PGGT1B: variants seen among roughly 807,000 people sequenced by gnomAD.
PGGT1B encodes geranylgeranyl transferase type-1 subunit beta.
Under a neutral mutation model 46.1 loss-of-function variants are expected in PGGT1B, and 30 were observed. The observed-to-expected ratio is 0.65, with a 90% CI of 0.49 to 0.88. The LOEUF (loss-of-function observed/expected upper bound fraction) is 0.88, where lower values mean the gene tolerates loss of function less well. PGGT1B is among the 40% of genes least tolerant of loss of function. The pLI, the probability that PGGT1B is intolerant of heterozygous loss-of-function variation, is 0.00. For missense variants in PGGT1B, 376 were observed against 455.9 expected, an observed-to-expected ratio of 0.82 and a Z score of 1.60; for synonymous variants, 170 against 160.0, an observed-to-expected ratio of 1.06 and a Z score of -0.47.
chr5:115,251,916 C>T (rs1748118894), intron 2 of PGGT1B, among the ~76,000 whole-genome samples: 1 of 151,962 alleles, frequency 6.6e-6, no homozygotes, highest in Non-Finnish European at 1.5e-5. Flanking sequence ...CAGACTTTCA[C>T]TTAAATTATT....
Position 115,209,630 on chromosome 5 carries a change from T to C in PGGT1B, c.*2772A>G, listed in dbSNP as rs1489454022. 1.3e-5 allele frequency: 2 copies of C among 152,150 alleles called. No homozygotes were observed. The highest frequency in any genetic ancestry group is 2.9e-5 in the Non-Finnish European group (2 of 68,010). The allele number at this position is 152,150 out of a possible 1,614,324, so 9.4% of individuals were successfully genotyped here. ...GTCTGTGGCTATCCTAGTTGCTCTG[T>C]ATTCTTATGGGGAGATTAGAAAACA... On this transcript the variant is annotated 3_prime_UTR_variant, in exon 9 of 9. Coordinates refer to ENST00000419445, the MANE Select transcript of PGGT1B (RefSeq NM_005023.4).
intron 1 of PGGT1B, among the ~76,000 whole-genome samples, chr5:115,261,108 T>A (rs915880148): frequency 6.6e-6 from 1 of 152,220 alleles, no homozygotes; most frequent in Non-Finnish European, 1.5e-5. Context: ...GATGGAAGAC[T>A]TTTTATCTAA....
intron 5 of PGGT1B, among the ~76,000 whole-genome samples, chr5:115,234,177 T>G (rs1757095355): frequency 7.1e-6 from 1 of 141,138 alleles, no homozygotes; most frequent in Non-Finnish European, 1.5e-5. Context: ...TTTTTTTTTT[T>G]CTCCCAAGCT....
At chr5:115,259,825 G>T (rs1004537098) in intron 1 of PGGT1B, among the ~76,000 whole-genome samples, 1 of 151,946 alleles carries the variant, frequency 6.6e-6, no homozygotes, top group East Asian at 1.9e-4. Context: ...AGACTAGCTA[G>T]ATTGTAAATG....
At chr5:115,254,392 C>T (rs753959883) in intron 1 of PGGT1B, among the ~76,000 whole-genome samples, 4 of 152,012 alleles carry the variant, frequency 2.6e-5, no homozygotes, top group African/African-American at 4.8e-5. Context: ...TCATATACAT[C>T]TTACACACGA....
chr5:115,236,611 T>C, intron 4 of PGGT1B, 89 bp from the exon 5 acceptor site: 1 of 708,648 alleles, frequency 1.4e-6, no homozygotes, highest in Non-Finnish European at 2.2e-6. Flanking sequence ...TGCTTGTCTT[T>C]ACTAACAGAA....
At chr5:115,225,371 G>T (rs1200446512) in intron 6 of PGGT1B, among the ~76,000 whole-genome samples, 1 of 150,206 alleles carries the variant, frequency 6.7e-6, no homozygotes, top group East Asian at 2.0e-4. Context: ...CCAACTGCAG[G>T]GTAAAGGAGG....
Position 115,249,117 on chromosome 5 carries a change from T to C in PGGT1B, c.259+4020A>G, listed in dbSNP as rs1747978485. Among the ~76,000 whole-genome samples the C allele has an allele frequency of 2.0e-5, 3 of 152,088 alleles. No individual in the cohort carries two copies. The South Asian group carries it at 6.2e-4, about 32-fold the overall frequency. On this transcript the variant is annotated intron_variant, in intron 2 of 8. Transcript: ENST00000419445. ...AGAAAAACAGTAAAGTATCTTATCT[T>C]GCCATCCCCCCACCTCTGTTCCCAT...
At chr5:115,231,913 A>T (rs987617358) in intron 5 of PGGT1B, 1 of 152,070 alleles carries the variant, frequency 6.6e-6, no homozygotes, top group Admixed American at 6.6e-5. Context: ...CACTACATAA[A>T]TAACACATGT....
At chr5:115,218,610 A>G (rs1756496892) in intron 7 of PGGT1B, among the ~76,000 whole-genome samples, 1 of 151,184 alleles carries the variant, frequency 6.6e-6, no homozygotes. Flanking sequence ...TTCAGTATTT[A>G]TCTGTCCTTC....
At chr5:115,238,610 C>T (rs1451022944) in intron 3 of PGGT1B, among the ~76,000 whole-genome samples, 3 of 152,008 alleles carry the variant, frequency 2.0e-5, no homozygotes, top group African/African-American at 7.3e-5. Context: ...AAATGAAATA[C>T]CACAGTAGTG....
At chr5:115,226,969 T>A (rs1304183717) in intron 6 of PGGT1B, among the ~76,000 whole-genome samples, 2 of 151,976 alleles carry the variant, frequency 1.3e-5, no homozygotes, top group African/African-American at 4.8e-5. Flanking sequence ...AGGAAGCATT[T>A]CAAGCAAAGG....
Position 115,204,691 on chromosome 5 carries a change from A to T in PGGT1B, c.*7711T>A, listed in dbSNP as rs547306526. 1 of 152,172 alleles carries T rather than the reference A, an allele frequency of 6.6e-6. No individual in the cohort carries two copies. The highest frequency in any genetic ancestry group is 1.5e-5 in the Non-Finnish European group (1 of 68,026). The allele number at this position is 152,172 out of a possible 1,614,324, so 9.4% of individuals were successfully genotyped here. ...TTTCTGGATGGCAATTCTTGGCAGT[A>T]ACTACCAATATTTTTAAAGCATAAA... On this transcript the variant is annotated 3_prime_UTR_variant, in exon 9 of 9. Coordinates refer to ENST00000419445, the MANE Select transcript of PGGT1B (RefSeq NM_005023.4).
chr5:115,259,087 A>T (rs905606412), intron 1 of PGGT1B, among the ~76,000 whole-genome samples: 1 of 152,214 alleles, frequency 6.6e-6, no homozygotes, highest in Non-Finnish European at 1.5e-5. Context: ...ACAATGACCC[A>T]GGCTTATGCA....
intron 5 of PGGT1B, among the ~76,000 whole-genome samples, chr5:115,232,756 A>G (rs1434931344): frequency 6.6e-6 from 1 of 152,008 alleles, no homozygotes; most frequent in Non-Finnish European, 1.5e-5. Flanking sequence ...GCCTGTTCAG[A>G]AAGAGGCCTG....
intron 5 of PGGT1B, among the ~76,000 whole-genome samples, chr5:115,235,859 C>G (rs116775891): frequency 6.6e-6 from 1 of 152,032 alleles, no homozygotes; most frequent in African/African-American, 2.4e-5. Flanking sequence ...ATTCTAACAG[C>G]CTCAAAATAA....
intron 6 of PGGT1B, among the ~76,000 whole-genome samples, chr5:115,222,306 G>C (rs975544324): frequency 6.6e-6 from 1 of 152,114 alleles, no homozygotes; most frequent in East Asian, 1.9e-4. Context: ...TAAAGTCCGG[G>C]ACTGCTAACT....
In PGGT1B at chr5:115,207,423, T is replaced by G. The variant is rs1241981948; in HGVS notation, c.*4979A>C. On this transcript the variant is annotated 3_prime_UTR_variant, in exon 9 of 9. Transcript: ENST00000419445. ...TTAAAGCCAGTTGAAAAATAATGTA[T>G]ACTATATGGTTCCACTCATATAAAA... is the stretch of plus-strand genomic sequence containing the variant. 1 of 151,678 alleles carries G rather than the reference T, an allele frequency of 6.6e-6. No individual in the cohort carries two copies. Among genetic ancestry groups the G allele is most frequent in the African/African-American group, 2.4e-5 (1 of 41,338 alleles). The allele number at this position is 151,678 out of a possible 1,614,324, so 9.4% of individuals were successfully genotyped here.
At chr5:115,256,335 G>T (rs139099356) in intron 1 of PGGT1B, among the ~76,000 whole-genome samples, 2 of 152,146 alleles carry the variant, frequency 1.3e-5, no homozygotes, top group Admixed American at 6.6e-5. Flanking sequence ...ATCTGTATAC[G>T]TTATCTGAAT....
Sources: allele counts gnomAD v4.1 joint callset (sites outside exome capture counted in the v4.1 genomes callset), GRCh38; gene constraint gnomAD v4.1.1; transcripts MANE v1.5; gene names NCBI Gene and HGNC (gene_info 2026-07-23, HGNC 2026-07-21).